The following SLIT3 variants were observed in gnomAD, a reference collection of about 807,000 sequenced individuals.
SLIT3 encodes the protein slit homolog 3 protein.
In SLIT3, 68 loss-of-function variants were observed where a neutral mutation model predicts 184.0. That is an observed-to-expected ratio of 0.37 (90% confidence interval 0.30 to 0.45). The LOEUF (loss-of-function observed/expected upper bound fraction) is 0.45, where lower values mean the gene tolerates loss of function less well. Ranked by LOEUF, SLIT3 falls within the 20% of genes least tolerant of loss-of-function variation. SLIT3 has a pLI of 1.00. For synonymous variants in SLIT3, 831 were observed against 828.6 expected, an observed-to-expected ratio of 1.00 and a Z score of -0.05; for missense variants, 1,707 against 2,026.0, an observed-to-expected ratio of 0.84 and a Z score of 3.02.
chr5:169,039,825 A>G (rs1757387613), intron 4 of SLIT3, among the ~76,000 whole-genome samples: 1 of 152,176 alleles, frequency 6.6e-6, no homozygotes. Flanking sequence ...AACGAATTCA[A>G]ACAGGGATTG....
intron 4 of SLIT3, among the ~76,000 whole-genome samples, chr5:169,034,043 A>G: frequency 6.6e-6 from 1 of 151,522 alleles, no homozygotes. Flanking sequence ...TGATCTCTTG[A>G]CCTTGTGATC....
At chr5:169,204,411 A>C (rs1763998090) in intron 3 of SLIT3, among the ~76,000 whole-genome samples, 1 of 152,156 alleles carries the variant, frequency 6.6e-6, no homozygotes. Flanking sequence ...ATAAAGGAGG[A>C]GAGAAAACGG....
intron 4 of SLIT3, among the ~76,000 whole-genome samples, chr5:168,894,199 T>C (rs1388450724): frequency 6.6e-6 from 1 of 151,690 alleles, no homozygotes; most frequent in Non-Finnish European, 1.5e-5. Flanking sequence ...CAGGAAAGAG[T>C]AAGTTTGGTT....
intron 34 of SLIT3, among the ~76,000 whole-genome samples, chr5:168,670,230 G>C (rs1761195112): frequency 6.6e-6 from 1 of 152,218 alleles, no homozygotes; most frequent in African/African-American, 2.4e-5. Flanking sequence ...GCAGAGGCTG[G>C]CTTGCTGATT....
At chr5:169,214,903 A>G (rs1001760572) in intron 3 of SLIT3, among the ~76,000 whole-genome samples, 2 of 152,144 alleles carry the variant, frequency 1.3e-5, no homozygotes, top group Admixed American at 6.5e-5. Context: ...TATGTCTCCA[A>G]ACAATCCCCT....
intron 1 of SLIT3, among the ~76,000 whole-genome samples, chr5:169,295,403 C>T (rs973650081): frequency 6.6e-5 from 10 of 152,250 alleles, no homozygotes; most frequent in African/African-American, 9.6e-5. Context: ...TGGTAGGCAC[C>T]GTGCTGAGCA....
At chr5:169,145,783 C>T (rs911598914) in intron 4 of SLIT3, among the ~76,000 whole-genome samples, 1 of 152,206 alleles carries the variant, frequency 6.6e-6, no homozygotes. Context: ...CACAGTGGCT[C>T]ACACCCATAA....
At chr5:169,097,668 G>C (rs1581406672) in intron 4 of SLIT3, among the ~76,000 whole-genome samples, 1 of 152,330 alleles carries the variant, frequency 6.6e-6, no homozygotes, top group African/African-American at 2.4e-5. Flanking sequence ...GACATTTCTG[G>C]CCAGAGGGGG....
In SLIT3 at chr5:168,748,389, T is replaced by G. The variant is rs777153690; in HGVS notation, c.2183A>C (p.Gln728Pro). 1 of 1,520,124 alleles carries G rather than the reference T, an allele frequency of 6.6e-7. No individual in the cohort carries two copies. The highest frequency in any genetic ancestry group is 1.5e-5 in the African/African-American group (1 of 68,464). The allele number at this position is 1,520,124 out of a possible 1,614,324, so 94.2% of individuals were successfully genotyped here. The change falls in exon 20 of 36, where the codon CAG becomes CCG. Residue 728 changes from glutamine to proline, a missense_variant. Physicochemically the swap from Gln to Pro is moderately conservative, Grantham distance 76. Coordinates refer to ENST00000519560, the MANE Select transcript of SLIT3 (RefSeq NM_003062.4). ...CACCACTGTCTCCATACAGGTGCAC[T>G]GCTCCGGGCAGCGCGGGCTCAGCTG... ...SCQLSPRCPE[Q>P]CTCMETVVRC...
intron 1 of SLIT3, among the ~76,000 whole-genome samples, chr5:169,264,896 A>C (rs1439882405): frequency 1.3e-5 from 2 of 152,222 alleles, no homozygotes; most frequent in African/African-American, 4.8e-5. Context: ...TTGGGAACTA[A>C]GCCTCTCTGG....
At chr5:169,207,010 T>C (rs1347349897) in intron 3 of SLIT3, among the ~76,000 whole-genome samples, 1 of 151,784 alleles carries the variant, frequency 6.6e-6, no homozygotes, top group South Asian at 2.1e-4. Flanking sequence ...TCAGATTGCA[T>C]TGTCACTTCG....
intron 4 of SLIT3, among the ~76,000 whole-genome samples, chr5:169,132,038 A>C (rs1761318868): frequency 6.6e-6 from 1 of 152,242 alleles, no homozygotes; most frequent in Non-Finnish European, 1.5e-5. Context: ...GAGCCACATC[A>C]GCTCTATTCT....
At chr5:169,036,734 C>T (rs113299933) in intron 4 of SLIT3, among the ~76,000 whole-genome samples, 6 of 152,148 alleles carry the variant, frequency 3.9e-5, no homozygotes, top group South Asian at 2.1e-4. Context: ...GACACATGCT[C>T]GATAAACCAA....
At chr5:169,108,746 C>A (rs796066629) in intron 4 of SLIT3, among the ~76,000 whole-genome samples, 2 of 152,174 alleles carry the variant, frequency 1.3e-5, no homozygotes, top group South Asian at 2.1e-4. Context: ...CCACCTCCCC[C>A]TCATTGCACA....
intron 4 of SLIT3, among the ~76,000 whole-genome samples, chr5:169,113,134 G>C (rs905723211): frequency 3.9e-5 from 6 of 152,096 alleles, no homozygotes; most frequent in Non-Finnish European, 8.8e-5. Context: ...CATTCGCCTT[G>C]TTGTGCAGCC....
chr5:169,105,819 G>T (rs185894006), intron 4 of SLIT3, among the ~76,000 whole-genome samples: 1 of 152,088 alleles, frequency 6.6e-6, no homozygotes, highest in East Asian at 1.9e-4. Context: ...AGTATTCCAC[G>T]GTGTATATGT....
chr5:169,003,533 CGTGAACACAGAT>C (rs1483006011), intron 4 of SLIT3, among the ~76,000 whole-genome samples: 2 of 152,176 alleles, frequency 1.3e-5, no homozygotes, highest in African/African-American at 2.4e-5. Context: ...CCAGAGTGGC[CGTGAACACAGAT>C]GTGAACACAG....
At chr5:169,116,829 C>G (rs987026326) in intron 4 of SLIT3, among the ~76,000 whole-genome samples, 1 of 152,184 alleles carries the variant, frequency 6.6e-6, no homozygotes, top group Non-Finnish European at 1.5e-5. Context: ...CTCTGATTCC[C>G]CCACAATCAT....
At chr5:168,787,240 G>A (rs1307529797) in intron 11 of SLIT3, among the ~76,000 whole-genome samples, 1 of 152,244 alleles carries the variant, frequency 6.6e-6, no homozygotes, top group Non-Finnish European at 1.5e-5. Context: ...GTCACTGTCT[G>A]CCCGTGTCAG....
Sources: allele counts gnomAD v4.1 joint callset (sites outside exome capture counted in the v4.1 genomes callset), GRCh38; gene constraint gnomAD v4.1.1; transcripts MANE v1.5; gene names NCBI Gene and HGNC (gene_info 2026-07-23, HGNC 2026-07-21).